Variants in OTOF observed in about 807,000 individuals in gnomAD.
OTOF encodes otoferlin, also known as fer-1-like family member 2.
Under a neutral mutation model 236.8 loss-of-function variants are expected in OTOF, and 218 were observed. The ratio of observed to expected loss-of-function variants is 0.92; its 90% CI spans 0.82 to 1.03. OTOF has a LOEUF of 1.03. OTOF is among the 50% of genes least tolerant of loss of function. The probability of loss-of-function intolerance (pLI) is 0.00; values close to 1 mark genes in which losing one functional copy is unlikely to be tolerated. For synonymous variants in OTOF, 1,041 were observed against 1,072.5 expected, an observed-to-expected ratio of 0.97 and a Z score of 0.57; for missense variants, 2,590 against 2,694.4, an observed-to-expected ratio of 0.96 and a Z score of 0.86.
chr2:26,542,795 C>G (rs1572493584), intron 1 of OTOF, among the ~76,000 whole-genome samples: 1 of 152,064 alleles, frequency 6.6e-6, no homozygotes, highest in South Asian at 2.1e-4. Flanking sequence ...GCTGGGGTCC[C>G]GAAAGGGCAG....
Position 26,479,627 on chromosome 2 carries a change from G to T in OTOF, c.1939C>A (p.Leu647Met), listed in dbSNP as rs749541156. The T allele has an allele frequency of 4.3e-6, 7 of 1,612,504 alleles. No individual in the cohort carries two copies. In the South Asian group the frequency reaches 7.7e-5, roughly 18 times the overall value. ...IGNYGNEVDG[L>M]SRPQRPRPRK... ...GGCCGAGGCCGCTGGGGCCGGGACA[G>T]GCCATCAACTTCGTTCCCATAGTTG... is the stretch of plus-strand genomic sequence containing the variant. The change falls in exon 17 of 47, where the codon CTG (leucine) becomes ATG (methionine). Residue 647 changes from leucine to methionine, a missense_variant. Physicochemically the swap from Leu to Met is conservative, Grantham distance 15. Transcript: ENST00000272371.
Position 26,460,131 on chromosome 2 carries a change from C to A in OTOF, c.5888G>T (p.Arg1963Leu). Reference sequence around the variant, plus strand: ...CAGCAACAGTTTGAGGAGCAGCCAGCGATACGTGTGCCACAAGAAGTAGCG... The same window carrying A: ...CAGCAACAGTTTGAGGAGCAGCCAGAGATACGTGTGCCACAAGAAGTAGCG... The part of the protein sequence containing the change: ...SARYFLWHTY[R>L]WLLLKLLLLL... Residue 1963 changes from arginine to leucine, a missense_variant, in exon 46 of 47, where the codon CGC (arginine) becomes CTC (leucine). Physicochemically the swap from Arg to Leu is moderately radical, Grantham distance 102. This residue lies in a region of OTOF where 1,211 missense variants were observed against 1,352.8 expected (regional missense o/e 0.90). Transcript: ENST00000272371. This position sits in a 1 kb window ranked among gnomAD's most constrained non-coding sequence, Gnocchi z 5.3. 2 of 1,598,052 alleles carry A rather than the reference C, an allele frequency of 1.3e-6. No individual in the cohort carries two copies. The highest frequency in any genetic ancestry group is 1.7e-6 in the Non-Finnish European group (2 of 1,172,744).
chr2:26,459,916 AT>A, intron 46 of OTOF, 91 bp downstream of exon 46: 1 of 1,236,200 alleles, frequency 8.1e-7, no homozygotes, highest in South Asian at 1.3e-5. Flanking sequence ...ATGTATGCAT[AT>A]TTGTGTTTGT....
At chr2:26,544,974 A>G (rs1236065132) in intron 1 of OTOF, among the ~76,000 whole-genome samples, 1 of 151,964 alleles carries the variant, frequency 6.6e-6, no homozygotes. Context: ...CCGGGAGGCA[A>G]AGGTTGCATT....
At position 26,484,550 on chromosome 2, in the gene OTOF, C is replaced by T. The variant is rs778469940; in HGVS notation, c.1129G>A (p.Val377Ile). 8.1e-6 allele frequency: 13 copies of T among 1,613,892 alleles called. No homozygotes were observed. The East Asian group carries it at 1.1e-4, about 14-fold the overall frequency. Residue 377 changes from valine (V) to isoleucine (I), a missense_variant, in exon 12 of 47, where the codon GTT becomes ATT. Transcript: ENST00000272371. ...TTGTCCCCTTTGCCCACCACGGCAACGTCACACTTCACGTAGCCCTTCAGC... is the reference window on the plus strand; with the variant it reads ...TTGTCCCCTTTGCCCACCACGGCAATGTCACACTTCACGTAGCCCTTCAGC... ...SGLKGYVKCD[V>I]AVVGKGDNIK...
chr2:26,553,784 C>CT (rs1228196029), intron 1 of OTOF, among the ~76,000 whole-genome samples: 1 of 152,202 alleles, frequency 6.6e-6, no homozygotes, highest in Non-Finnish European at 1.5e-5. Context: ...CCCGTCTGCC[C>CT]TTTCTCCTTC....
At chr2:26,517,337 C>T (rs182179635) in intron 4 of OTOF, among the ~76,000 whole-genome samples, 1 of 152,302 alleles carries the variant, frequency 6.6e-6, no homozygotes, top group East Asian at 1.9e-4. Flanking sequence ...ACAGGCGGCC[C>T]TCACTCAGTG....
intron 5 of OTOF, among the ~76,000 whole-genome samples, chr2:26,506,181 C>G (rs1372037120): frequency 6.6e-6 from 1 of 152,194 alleles, no homozygotes. Flanking sequence ...GGGTCACTTC[C>G]TGTCTCAGTG....
rs1666849705 is a variant in OTOF, at chr2:26,527,919, G to A, written c.140C>T (p.Thr47Ile). The change falls in exon 3 of 47, where the codon ACA becomes ATA. Residue 47 changes from threonine (T) to isoleucine (I), a missense_variant and splice_region_variant. Physicochemically the swap from Thr to Ile is moderately conservative, Grantham distance 89. Around this residue, in one of 2 missense-constraint regions of OTOF, gnomAD observed 1,379 missense variants for 1,341.6 expected, o/e 1.03. Coordinates refer to ENST00000272371, the MANE Select transcript of OTOF (RefSeq NM_194248.3). ...GCTGCTGGCCACCGGCCACCGAAATGTCTGGGGAGAGAGGGACAACTGCGG... is the reference window on the plus strand; with the variant it reads ...GCTGCTGGCCACCGGCCACCGAAATATCTGGGGAGAGAGGGACAACTGCGG... ...NCEDVADFDE[T>I]FRWPVASSID... 1.2e-6 allele frequency: 2 copies of A among 1,613,442 alleles called. No individual in the cohort carries two copies. Among genetic ancestry groups the A allele is most frequent in the African/African-American group, 1.3e-5 (1 of 75,002 alleles).
At position 26,477,890 on chromosome 2, in the gene OTOF, T is replaced by G. The variant is rs1454846156; in HGVS notation, c.2215-141A>C. ...CTAGGGCCATCCTGAGTATCGGTCATCATGAGGAAGTCATCAATTTCCCAG... is the reference window on the plus strand; with the variant it reads ...CTAGGGCCATCCTGAGTATCGGTCAGCATGAGGAAGTCATCAATTTCCCAG... On this transcript the variant is annotated intron_variant, in intron 18 of 46. Coordinates refer to ENST00000272371, the MANE Select transcript of OTOF (RefSeq NM_194248.3). The surrounding 1 kb of genome is among the most constrained non-coding windows in gnomAD (Gnocchi z 4.7). The G allele has an allele frequency of 1.9e-6, 3 of 1,542,460 alleles. No individual in the cohort carries two copies. The highest frequency in any genetic ancestry group is 2.6e-6 in the Non-Finnish European group (3 of 1,141,966).
At chr2:26,476,783 C>T (rs1188367647) in intron 22 of OTOF, 108 bp downstream of exon 22, 41 of 927,770 alleles carry the variant, frequency 4.4e-5, no homozygotes, top group Non-Finnish European at 7.0e-5. Context: ...TCTCTGAGCA[C>T]CTGCTGCTTG....
Position 26,470,561 on chromosome 2 carries a change from G to T in OTOF, c.4023+32C>A. On this transcript the variant is annotated intron_variant, in intron 32 of 46. Coordinates refer to ENST00000272371, the MANE Select transcript of OTOF (RefSeq NM_194248.3). This position sits in a 1 kb window ranked among gnomAD's most constrained non-coding sequence, Gnocchi z 4.3. ...ACAGGAGGGTCTGAGTGTGGAGGGG[G>T]TCACCTCCCCTCACCCTACCCGAGG... 18 of 1,606,536 alleles carry T rather than the reference G, an allele frequency of 1.1e-5. No homozygotes were observed. In the Middle Eastern group the frequency reaches 1.5e-3, roughly 133 times the overall value.
rs777030248 is a variant in OTOF at position 26,472,223 on chromosome 2, C to T, written c.3864+296G>A. The stretch of plus-strand genomic sequence containing the variant: ...GATGCACATATGCACACCACACATA[C>T]GCATGCACGCACAAATGCACATACA... On this transcript the variant is annotated intron_variant, in intron 30 of 46. Coordinates refer to ENST00000272371, the MANE Select transcript of OTOF (RefSeq NM_194248.3). The T allele has an allele frequency of 1.8e-4, 83 of 452,062 alleles. No homozygotes were observed. The East Asian group carries it at 2.1e-3, about 11-fold the overall frequency. 28.0% of individuals were successfully genotyped at this position (452,062 alleles called of 1,614,324 possible).
At chr2:26,475,021 G>C (rs1006375324) in intron 25 of OTOF, among the ~76,000 whole-genome samples, 1 of 152,130 alleles carries the variant, frequency 6.6e-6, no homozygotes, top group Admixed American at 6.5e-5. Context: ...ACGGAGGATG[G>C]CAAGGCTGTT....
chr2:26,466,813 G>T lies in OTOF; in HGVS notation c.4401C>A (p.Asp1467Glu), dbSNP rs138500783. 1.9e-6 allele frequency: 3 copies of T among 1,614,096 alleles called. No individual in the cohort carries two copies. The East Asian group carries it at 6.7e-5, about 36-fold the overall frequency. Residue 1467 changes from aspartate to glutamate, a missense_variant, in exon 36 of 47, where the codon GAC (aspartate) becomes GAA (glutamate). Asp to Glu is a conservative substitution (Grantham distance 45, BLOSUM62 2). Transcript: ENST00000272371. The stretch of plus-strand genomic sequence containing the variant: ...AGTCGTAGCCGGCTTCCCGGGACAC[G>T]TCCTCTGGGAGTGGCACTTTGTACA... The part of the protein sequence containing the change: ...LCVYKVPLPE[D>E]VSREAGYDST...
intron 1 of OTOF, among the ~76,000 whole-genome samples, chr2:26,551,208 T>C (rs1054519583): frequency 4.6e-5 from 7 of 152,210 alleles, no homozygotes; most frequent in Admixed American, 3.9e-4. Flanking sequence ...CAGGCTGGTC[T>C]CAAACTCCTG....
chr2:26,502,419 C>G lies in OTOF; in HGVS notation c.591G>C (p.Pro197=), dbSNP rs779916426. 2 of 1,613,178 alleles carry G rather than the reference C, an allele frequency of 1.2e-6. No individual in the cohort carries two copies. Among genetic ancestry groups the G allele is most frequent in the South Asian group, 1.1e-5 (1 of 90,916 alleles). The change falls in exon 7 of 47, where the codon CCG becomes CCC. Residue 197 remains proline (P), a synonymous_variant. Transcript: ENST00000272371. ...HKEEPQRPDE[P]AVLEMEDLDH... is the part of the protein sequence containing the mutation. ...CAAGGTCTTCCATCTCCAGCACCGC[C>G]GGTTCATCTGGGGAAGATGAAAGAC...
At chr2:26,543,738 A>G (rs1667261285) in intron 1 of OTOF, among the ~76,000 whole-genome samples, 1 of 152,182 alleles carries the variant, frequency 6.6e-6, no homozygotes, top group African/African-American at 2.4e-5. Flanking sequence ...TTTTTTTGAG[A>G]CGGAGTCTTG....
chr2:26,465,713 G>A lies in OTOF; in HGVS notation c.4758C>T (p.Ser1586=). 1 of 1,614,286 alleles carries A rather than the reference G, an allele frequency of 6.2e-7. No individual in the cohort carries two copies. Among genetic ancestry groups the A allele is most frequent in the South Asian group, 1.1e-5 (1 of 91,090 alleles). Residue 1586 remains serine (S), a synonymous_variant, in exon 38 of 47, where the codon AGC becomes AGT. Transcript: ENST00000272371. ...CGATGCCGCAGGTGGCGCGGTGCTT[G>A]CTGTAGAAGCGGTTCTCCAGGTCGA... ...TKIDLENRFY[S]KHRATCGIAQ... is the part of the protein sequence containing the mutation.
Sources: gnomAD v4.1 joint callset for allele counts (sites outside exome capture counted in the v4.1 genomes callset) on GRCh38, gnomAD v4.1.1 for gene constraint, gnomAD v4.1.1 regional missense constraint, Gnocchi (gnomAD v3.1) non-coding constraint, MANE v1.5 for transcripts, NCBI Gene and HGNC (gene_info 2026-07-23, HGNC 2026-07-21) for gene names.